The following LUZP2 variants were observed in gnomAD, a reference collection of about 807,000 sequenced individuals.
The protein encoded by LUZP2 is leucine zipper protein 2.
A neutral mutation model predicts 51.6 loss-of-function variants in LUZP2; 52 were observed. The ratio of observed to expected loss-of-function variants is 1.01; its 90% CI spans 0.81 to 1.27. The LOEUF is 1.27. Among genes scored for constraint, LUZP2 ranks in the 50% most tolerant of loss-of-function variants. The pLI is 0.00. For missense variants in LUZP2, 436 were observed against 395.4 expected, an observed-to-expected ratio of 1.10 and a Z score of -0.87; for synonymous variants, 154 against 137.3, an observed-to-expected ratio of 1.12 and a Z score of -0.85.
At chr11:24,575,152 A>G (rs1198998314) in intron 1 of LUZP2, among the ~76,000 whole-genome samples, 1 of 152,162 alleles carries the variant, frequency 6.6e-6, no homozygotes, top group Non-Finnish European at 1.5e-5. Flanking sequence ...TTGACCAAAT[A>G]GGAAACAAGA....
At chr11:24,969,253 C>T (rs1441138422) in intron 7 of LUZP2, among the ~76,000 whole-genome samples, 1 of 152,060 alleles carries the variant, frequency 6.6e-6, no homozygotes, top group African/African-American at 2.4e-5. Context: ...TAAGTGAGAA[C>T]ATGGAGTATT....
intron 7 of LUZP2, among the ~76,000 whole-genome samples, chr11:24,926,894 CCAA>C (rs1854292173): frequency 6.6e-6 from 1 of 151,668 alleles, no homozygotes. Flanking sequence ...CACATTCACA[CCAA>C]CAACTATTTT....
intron 5 of LUZP2, among the ~76,000 whole-genome samples, chr11:24,783,408 C>T (rs541973110): frequency 4.0e-4 from 61 of 151,898 alleles, no homozygotes; most frequent in African/African-American, 1.4e-3. Flanking sequence ...CTCAAGCTTA[C>T]CTGGTAAATG....
intron 9 of LUZP2, among the ~76,000 whole-genome samples, chr11:25,016,336 A>C (rs538815050): frequency 2.0e-4 from 30 of 152,124 alleles, no homozygotes; most frequent in African/African-American, 7.0e-4. Context: ...TGTAATGCCC[A>C]TTGTACCACT....
intron 7 of LUZP2, among the ~76,000 whole-genome samples, chr11:24,922,002 C>G (rs192169640): frequency 6.6e-6 from 1 of 152,006 alleles, no homozygotes; most frequent in Non-Finnish European, 1.5e-5. Context: ...TAACATGTTA[C>G]CTGTAAAGCA....
chr11:24,700,270 G>T (rs1199527830), intron 1 of LUZP2, among the ~76,000 whole-genome samples: 1 of 151,900 alleles, frequency 6.6e-6, no homozygotes, highest in African/African-American at 2.4e-5. Context: ...CACCATGTTG[G>T]CCAGTCTGGT....
At chr11:24,823,813 G>A (rs554599653) in intron 5 of LUZP2, among the ~76,000 whole-genome samples, 5 of 152,104 alleles carry the variant, frequency 3.3e-5, no homozygotes, top group South Asian at 2.1e-4. Context: ...CCTGTAATCC[G>A]AGCACTTTGG....
chr11:24,737,253 T>A (rs1858977526), intron 3 of LUZP2, among the ~76,000 whole-genome samples: 1 of 152,088 alleles, frequency 6.6e-6, no homozygotes, highest in Non-Finnish European at 1.5e-5. Context: ...ATTGTGCCCT[T>A]GTTTTTGGAT....
At chr11:24,887,177 C>A (rs1323345480) in intron 5 of LUZP2, among the ~76,000 whole-genome samples, 1 of 128,572 alleles carries the variant, frequency 7.8e-6, no homozygotes, top group Non-Finnish European at 1.6e-5. Flanking sequence ...GCCTGCGAAG[C>A]CCCTAGTTTT....
intron 1 of LUZP2, among the ~76,000 whole-genome samples, chr11:24,604,515 A>T (rs534549498): frequency 6.6e-6 from 1 of 151,996 alleles, no homozygotes; most frequent in Non-Finnish European, 1.5e-5. Context: ...GAAAATATAA[A>T]ATATAAATTA....
intron 5 of LUZP2, among the ~76,000 whole-genome samples, chr11:24,890,610 T>A (rs1852818950): frequency 1.3e-5 from 2 of 152,228 alleles, no homozygotes; most frequent in South Asian, 4.1e-4. Flanking sequence ...TCATCAAAAG[T>A]TCTCATACAT....
chr11:25,035,319 G>C (rs1203797938), intron 9 of LUZP2, among the ~76,000 whole-genome samples: 16 of 152,008 alleles, frequency 1.1e-4, no homozygotes, highest in Admixed American at 1.0e-3. Flanking sequence ...TTTTATAACT[G>C]ATAAACAACT....
At chr11:24,735,339 C>T (rs1858894255) in intron 3 of LUZP2, among the ~76,000 whole-genome samples, 1 of 151,724 alleles carries the variant, frequency 6.6e-6, no homozygotes, top group African/African-American at 2.4e-5. Flanking sequence ...CCATACCATG[C>T]CAGGACTGAG....
chr11:24,628,825 C>T (rs1854776846), intron 1 of LUZP2, among the ~76,000 whole-genome samples: 1 of 152,112 alleles, frequency 6.6e-6, no homozygotes, highest in South Asian at 2.1e-4. Flanking sequence ...TCCCAAAATG[C>T]TGGGATTACA....
chr11:24,808,214 T>A (rs1590566313), intron 5 of LUZP2, among the ~76,000 whole-genome samples: 1 of 152,306 alleles, frequency 6.6e-6, no homozygotes, highest in East Asian at 1.9e-4. Flanking sequence ...ACAACATAGG[T>A]GCTAGCATCA....
At chr11:24,785,327 A>T (rs1293007516) in intron 5 of LUZP2, among the ~76,000 whole-genome samples, 3 of 152,046 alleles carry the variant, frequency 2.0e-5, no homozygotes, top group African/African-American at 7.2e-5. Context: ...GAAGAAACTA[A>T]CAATCTAAGG....
intron 1 of LUZP2, among the ~76,000 whole-genome samples, chr11:24,609,012 C>A (rs1242140063): frequency 1.3e-5 from 2 of 152,008 alleles, no homozygotes; most frequent in Non-Finnish European, 2.9e-5. Flanking sequence ...GTGGAGATGA[C>A]TTCTGAAATG....
chr11:24,776,288 C>T (rs1331995566), intron 5 of LUZP2, among the ~76,000 whole-genome samples: 2 of 152,114 alleles, frequency 1.3e-5, no homozygotes, highest in Non-Finnish European at 2.9e-5. Context: ...AAAACCTTTT[C>T]AAATTGGACT....
intron 1 of LUZP2, among the ~76,000 whole-genome samples, chr11:24,615,477 C>T (rs569497356): frequency 3.4e-4 from 51 of 152,102 alleles, no homozygotes; most frequent in African/African-American, 1.2e-3. Flanking sequence ...CAAATTGTTG[C>T]TTGAATCATA....
Sources: allele counts gnomAD v4.1 joint callset (sites outside exome capture counted in the v4.1 genomes callset), GRCh38; gene constraint gnomAD v4.1.1; transcripts MANE v1.5; gene names NCBI Gene and HGNC (gene_info 2026-07-23, HGNC 2026-07-21).